AFTPH: variants seen among roughly 807,000 people sequenced by gnomAD.
AFTPH encodes aftiphilin protein.
A neutral mutation model predicts 72.5 loss-of-function variants in AFTPH; 7 were observed. That is an observed-to-expected ratio of 0.10 (90% CI 0.05 to 0.18). AFTPH has a LOEUF of 0.18. Ranked by LOEUF, AFTPH falls within the 10% of genes least tolerant of loss-of-function variation. AFTPH has a pLI of 1.00. For missense variants in AFTPH, 979 were observed against 1,060.5 expected (o/e 0.92, Z 1.07); for synonymous variants, 337 against 370.1 (o/e 0.91, Z 1.03).
At chr2:64,565,118 C>T (rs1231875120) in intron 2 of AFTPH, among the ~76,000 whole-genome samples, 1 of 151,886 alleles carries the variant, frequency 6.6e-6, no homozygotes, top group Non-Finnish European at 1.5e-5. Flanking sequence ...GGATTACAGG[C>T]GTGAGACACT....
At chr2:64,588,488 T>TG (rs998533885) in intron 8 of AFTPH, among the ~76,000 whole-genome samples, 2 of 152,216 alleles carry the variant, frequency 1.3e-5, no homozygotes, top group African/African-American at 4.8e-5. Flanking sequence ...CTAACTTCTT[T>TG]GGGGAACTGC....
chr2:64,553,780 A>C (rs1671197183), intron 2 of AFTPH, among the ~76,000 whole-genome samples: 1 of 149,150 alleles, frequency 6.7e-6, no homozygotes, highest in African/African-American at 2.5e-5. Context: ...CTTTACAGTG[A>C]TTTTAAAAGA....
exon 9 of AFTPH, chr2:64,591,921 A>G (rs773537592): frequency 1.1e-5 from 18 of 1,614,064 alleles, no homozygotes; most frequent in Non-Finnish European, 1.4e-5. Context: ...TAAGTGAAGA[A>G]GCTATCAAGG....
chr2:64,567,593 T>G, exon 3 of AFTPH: 1 of 1,612,620 alleles, frequency 6.2e-7, no homozygotes, highest in Admixed American at 1.7e-5. Flanking sequence ...GAGCGAATTT[T>G]CGAAGCATGT....
At chr2:64,584,821 C>T (rs1673412271) in intron 7 of AFTPH, among the ~76,000 whole-genome samples, 1 of 152,152 alleles carries the variant, frequency 6.6e-6, no homozygotes, top group Non-Finnish European at 1.5e-5. Context: ...CGGTCTTGAT[C>T]TCCTGACTTT....
intron 6 of AFTPH, among the ~76,000 whole-genome samples, chr2:64,575,525 G>GA (rs1672711262): frequency 6.6e-6 from 1 of 151,908 alleles, no homozygotes; most frequent in Non-Finnish European, 1.5e-5. Flanking sequence ...GCTGAGGTGG[G>GA]AAAATCACTT....
At chr2:64,586,322 A>C (rs1243706292) in intron 8 of AFTPH, among the ~76,000 whole-genome samples, 1 of 152,226 alleles carries the variant, frequency 6.6e-6, no homozygotes, top group East Asian at 1.9e-4. Flanking sequence ...TCAGCATTTT[A>C]AAGTGGAACT....
chr2:64,580,321 T>A (rs1291564618), intron 7 of AFTPH: 2 of 152,672 alleles, frequency 1.3e-5, no homozygotes, highest in Non-Finnish European at 2.9e-5. Context: ...AAATGGCAAT[T>A]ATTTTGCCAT....
intron 4 of AFTPH, 36 bp from the exon 5 acceptor site, chr2:64,569,587 C>T: frequency 6.2e-7 from 1 of 1,600,558 alleles, no homozygotes; most frequent in Non-Finnish European, 8.6e-7. Context: ...AGATTATTCT[C>T]TAAATATATG....
chr2:64,589,235 A>G (rs1270704197), intron 8 of AFTPH, among the ~76,000 whole-genome samples: 1 of 152,224 alleles, frequency 6.6e-6, no homozygotes, highest in Non-Finnish European at 1.5e-5. Context: ...GGTATGAGGT[A>G]GGAGTCCACA....
exon 9 of AFTPH, chr2:64,592,217 A>G (rs971041057): frequency 6.3e-6 from 3 of 477,330 alleles, no homozygotes; most frequent in South Asian, 5.8e-5. Flanking sequence ...CTGAAGTCCT[A>G]AATTTATATT....
Position 64,524,621 on chromosome 2 carries a change from C to T in AFTPH, c.-33+9C>T, listed in dbSNP as rs780073812. 9.6e-5 allele frequency: 38 copies of T among 397,796 alleles called. No homozygotes were observed. Among genetic ancestry groups the T allele is most frequent in the Non-Finnish European group, 1.6e-4 (36 of 225,808 alleles). The allele number at this position is 397,796 out of a possible 1,614,324, so 24.6% of individuals were successfully genotyped here. A position where few individuals can be genotyped will look rare whatever the true frequency, so the allele number is the denominator to read the frequency against. On this transcript the variant is annotated intron_variant, in intron 1 of 8. Transcript: ENST00000238856. ...CGCCCCGAAGGAGCCAGGTAAGCGCCGCCGCTCCGCTCCCCTAGCTGCGCC... is the reference window on the plus strand; with the variant it reads ...CGCCCCGAAGGAGCCAGGTAAGCGCTGCCGCTCCGCTCCCCTAGCTGCGCC...
intron 1 of AFTPH, among the ~76,000 whole-genome samples, chr2:64,545,855 A>G (rs192583405): frequency 2.9e-4 from 44 of 152,070 alleles, no homozygotes; most frequent in African/African-American, 9.6e-4. Context: ...GAGCAGAACT[A>G]TACACAAACA....
intron 7 of AFTPH, among the ~76,000 whole-genome samples, chr2:64,582,157 T>A (rs554474766): frequency 2.6e-5 from 4 of 152,358 alleles, no homozygotes; most frequent in African/African-American, 7.2e-5. Context: ...GAGATGCCCA[T>A]GCCCAGAATG....
intron 2 of AFTPH, among the ~76,000 whole-genome samples, chr2:64,556,967 G>A (rs1671415858): frequency 6.6e-6 from 1 of 152,174 alleles, no homozygotes. Context: ...TTATACGAAT[G>A]AGAACGAGGT....
chr2:64,526,548 T>C (rs562155660), intron 1 of AFTPH, among the ~76,000 whole-genome samples: 4 of 152,238 alleles, frequency 2.6e-5, no homozygotes, highest in Non-Finnish European at 5.9e-5. Flanking sequence ...TTTTTCCCTC[T>C]ATTCTTAGCA....
intron 7 of AFTPH, among the ~76,000 whole-genome samples, chr2:64,583,216 GTTAT>G (rs1673314072): frequency 6.6e-6 from 1 of 151,260 alleles, no homozygotes; most frequent in Admixed American, 6.6e-5. Context: ...TTAGCTTGCG[GTTAT>G]TTAATTATTT....
intron 1 of AFTPH, among the ~76,000 whole-genome samples, chr2:64,548,369 A>C (rs1026218450): frequency 1.5e-5 from 2 of 130,604 alleles, no homozygotes; most frequent in African/African-American, 5.7e-5. Context: ...GTCCGCAGTC[A>C]GGCCTGGGCG....
intron 1 of AFTPH, among the ~76,000 whole-genome samples, chr2:64,537,820 C>T (rs536507557): frequency 8.9e-4 from 136 of 152,212 alleles, no homozygotes; most frequent in Non-Finnish European, 1.6e-3. Flanking sequence ...ATACTTGGTT[C>T]GTTGAAATAA....
Sources: gnomAD v4.1 joint callset for allele counts (sites outside exome capture counted in the v4.1 genomes callset) on GRCh38, gnomAD v4.1.1 for gene constraint, MANE v1.5 for transcripts, NCBI Gene and HGNC (gene_info 2026-07-23, HGNC 2026-07-21) for gene names.